MCCC1: variants seen among roughly 807,000 people sequenced by gnomAD.
MCCC1 encodes the protein methylcrotonoyl-CoA carboxylase subunit alpha, mitochondrial.
MCCC1 carries 64 observed loss-of-function variants against 83.8 expected under a neutral mutation model. The ratio of observed to expected loss-of-function variants is 0.76; its 90% confidence interval spans 0.62 to 0.94. The LOEUF is 0.94. MCCC1 is among the 40% of genes least tolerant of loss of function. The pLI, the probability that MCCC1 is intolerant of heterozygous loss-of-function variation, is 0.00. For missense variants in MCCC1, 807 were observed against 904.7 expected (o/e 0.89, Z 1.39); for synonymous variants, 322 against 315.4 (o/e 1.02, Z -0.22).
rs547814169 is a variant in MCCC1 at position 183,015,918 on chromosome 3, T to G, written c.2050-352A>C. On this transcript the variant is annotated intron_variant, in intron 18 of 18. Coordinates refer to ENST00000265594, the MANE Select transcript of MCCC1 (RefSeq NM_020166.5). ...TTTTGTTTGCTTGCTTTTGTTTTTT[T>G]TTTTTTGTTTTTTGTTGTTGTTGCT... Among the ~76,000 whole-genome samples, 801 of 151,482 alleles carry G rather than the reference T, an allele frequency of 5.3e-3. 9 individuals carry two copies. The highest frequency in any genetic ancestry group is 0.018 in the African/African-American group (740 of 41,402).
upstream of MCCC1, among the ~76,000 whole-genome samples, chr3:183,102,485 T>TA (rs2108581654): frequency 6.6e-6 from 1 of 152,224 alleles, no homozygotes; most frequent in East Asian, 1.9e-4. Context: ...AATCAATTAA[T>TA]AAAATGAATA....
At chr3:183,099,030 G>A in intron 1 of MCCC1, 1 of 514,126 alleles carries the variant, frequency 1.9e-6, no homozygotes, top group Non-Finnish European at 3.5e-6. Flanking sequence ...TGCTGCGAAA[G>A]CCCGATGTAA....
At position 183,050,431 on chromosome 3, in the gene MCCC1, G is replaced by A. The variant is rs189247051; in HGVS notation, c.955+1728C>T. 1.1e-4 allele frequency among the ~76,000 whole-genome samples: 17 copies of A among 151,762 alleles called. No homozygotes were observed. The South Asian group carries it at 1.7e-3, about 15-fold the overall frequency. ...GTGAAAAGGAAAGTCGGCCGGGCGC[G>A]GTGGCTCAAGCCTGTAATTCCAGCA... On this transcript the variant is annotated intron_variant, in intron 9 of 18. Coordinates refer to ENST00000265594, the MANE Select transcript of MCCC1 (RefSeq NM_020166.5).
Position 183,017,301 on chromosome 3 carries a change from C to G in MCCC1, c.2014G>C (p.Asp672His). The G allele has an allele frequency of 1.2e-6, 2 of 1,613,964 alleles. No individual in the cohort carries two copies. The highest frequency in any genetic ancestry group is 1.7e-6 in the Non-Finnish European group (2 of 1,180,012). Residue 672 changes from aspartate (D) to histidine (H), a missense_variant, in exon 18 of 19, where the codon GAT becomes CAT. Physicochemically the swap from Asp to His is moderately conservative, Grantham distance 81 (BLOSUM62 -1). Coordinates refer to ENST00000265594, the MANE Select transcript of MCCC1 (RefSeq NM_020166.5). ...ATGGCGATCATAACCATGAGGGAAT[C>G]TCCCGCTTTCACTTTGTCTCCAGCT... ...VKAGDKVKAG[D>H]SLMVMIAMKM...
chr3:183,092,451 C>T lies in MCCC1; in HGVS notation c.231G>A (p.Ala77=), dbSNP rs144230304. The change falls in exon 3 of 19, where the codon GCG becomes GCA. Residue 77 remains alanine, a synonymous_variant. Coordinates refer to ENST00000265594, the MANE Select transcript of MCCC1 (RefSeq NM_020166.5). ...TAKKLGVQTV[A]VYSEADRNSM... ...AATTTCTGTCAGCCTCACTATAAAC[C>T]GCCACAGTCTGTACACCCAGTTTTT... is the stretch of plus-strand genomic sequence containing the variant. 1,214 of 1,614,166 alleles carry T rather than the reference C, an allele frequency of 7.5e-4. 2 individuals are homozygous for T. Among genetic ancestry groups the T allele is most frequent in the Non-Finnish European group, 9.1e-4 (1,068 of 1,180,040 alleles).
chr3:183,025,207 A>G (rs1712488407), intron 15 of MCCC1, among the ~76,000 whole-genome samples: 1 of 152,216 alleles, frequency 6.6e-6, no homozygotes, highest in South Asian at 2.1e-4. Flanking sequence ...CCACAAGAAG[A>G]AAGAAGTTCT....
At chr3:183,080,825 C>A (rs972337428) in intron 4 of MCCC1, among the ~76,000 whole-genome samples, 5 of 152,216 alleles carry the variant, frequency 3.3e-5, no homozygotes, top group Admixed American at 1.3e-4. Flanking sequence ...TCACAACTTA[C>A]ATGGATGGCG....
Position 183,052,683 on chromosome 3 carries a change from G to A in MCCC1, c.874-443C>T, listed in dbSNP as rs985178586. ...AAATTAGCCAGGCATGGTGGCGGGC[G>A]CCTGTAGTCCCAGCTACTCAGGAGG... On this transcript the variant is annotated intron_variant, in intron 8 of 18. Coordinates refer to ENST00000265594, the MANE Select transcript of MCCC1 (RefSeq NM_020166.5). 8.6e-5 allele frequency among the ~76,000 whole-genome samples: 13 copies of A among 151,814 alleles called. No individual in the cohort carries two copies. In the East Asian group the frequency reaches 9.7e-4, roughly 11 times the overall value.
upstream of MCCC1, among the ~76,000 whole-genome samples, chr3:183,101,125 G>A (rs1255688130): frequency 3.3e-5 from 5 of 152,266 alleles, no homozygotes; most frequent in African/African-American, 7.2e-5. Context: ...GGCCTTGGCT[G>A]CCTTCCCACG....
chr3:183,024,673 T>C (rs920358897), intron 15 of MCCC1, among the ~76,000 whole-genome samples: 2 of 150,894 alleles, frequency 1.3e-5, no homozygotes, highest in Non-Finnish European at 1.5e-5. Context: ...AGTGAAGAGA[T>C]TGGAGCCATT....
chr3:183,019,623 T>C (rs1560201962), intron 17 of MCCC1, among the ~76,000 whole-genome samples: 1 of 152,224 alleles, frequency 6.6e-6, no homozygotes, highest in Non-Finnish European at 1.5e-5. Context: ...ACCCAGTCTA[T>C]GGTATTCTGT....
intron 1 of MCCC1, among the ~76,000 whole-genome samples, chr3:183,107,742 G>T (rs970457014): frequency 4.0e-5 from 6 of 151,770 alleles, no homozygotes; most frequent in Non-Finnish European, 2.9e-5. Context: ...AGAAACGGAG[G>T]TTTCACCATG....
chr3:183,110,550 C>A (rs888304079), intron 1 of MCCC1, among the ~76,000 whole-genome samples: 3 of 152,038 alleles, frequency 2.0e-5, no homozygotes, highest in Non-Finnish European at 4.4e-5. Context: ...CCCGCCACTA[C>A]GCCTGGCTAA....
At chr3:183,080,413 C>A (rs1717402393) in intron 4 of MCCC1, among the ~76,000 whole-genome samples, 1 of 152,186 alleles carries the variant, frequency 6.6e-6, no homozygotes, top group South Asian at 2.1e-4. Context: ...CCAGTCTTTG[C>A]TAAAACATAA....
rs919783732 is a variant in MCCC1, at chr3:183,020,354, A to G, written c.1870-117T>C. 13 of 874,706 alleles carry G rather than the reference A, an allele frequency of 1.5e-5. No individual in the cohort carries two copies. The African/African-American group carries it at 2.0e-4, about 13-fold the overall frequency. The allele number at this position is 874,706 out of a possible 1,614,324, so 54.2% of individuals were successfully genotyped here. The stretch of plus-strand genomic sequence containing the variant: ...TTGTTAAATATTAGTCATCATGGCC[A>G]GGCCCAGTGGCTCACGATTGTAAAC... On this transcript the variant is annotated intron_variant, in intron 16 of 18. Coordinates refer to ENST00000265594, the MANE Select transcript of MCCC1 (RefSeq NM_020166.5).
chr3:183,020,302 C>G, intron 16 of MCCC1, 65 bp from the exon 17 acceptor site: 1 of 1,228,950 alleles, frequency 8.1e-7, no homozygotes, highest in Non-Finnish European at 1.2e-6. Context: ...ACTAATATAC[C>G]TGAGGTAATA....
intron 1 of MCCC1, among the ~76,000 whole-genome samples, chr3:183,106,550 G>A (rs1011599860): frequency 6.9e-6 from 1 of 145,822 alleles, no homozygotes; most frequent in African/African-American, 2.8e-5. Flanking sequence ...CCAGGCTGGA[G>A]TGCAGGGGTG....
intron 3 of MCCC1, chr3:183,091,148 A>T: frequency 2.6e-6 from 1 of 390,962 alleles, no homozygotes; most frequent in Admixed American, 3.0e-5. Context: ...GGCCTGCTGT[A>T]CAGTGATAAA....
At chr3:183,034,407 C>T (rs1479109379) in intron 13 of MCCC1, among the ~76,000 whole-genome samples, 7 of 146,552 alleles carry the variant, frequency 4.8e-5, no homozygotes, top group African/African-American at 1.3e-4. Flanking sequence ...GCCAAGATTG[C>T]GCCACTGCAC....
Sources: gnomAD v4.1 joint callset for allele counts (sites outside exome capture counted in the v4.1 genomes callset) on GRCh38, gnomAD v4.1.1 for gene constraint, MANE v1.5 for transcripts, NCBI Gene and HGNC (gene_info 2026-07-23, HGNC 2026-07-21) for gene names.